KAZN: variants seen among roughly 807,000 people sequenced by gnomAD.
KAZN encodes kazrin, periplakin interacting protein.
A neutral mutation model predicts 87.4 loss-of-function variants in KAZN; 40 were observed. The ratio of observed to expected loss-of-function variants is 0.46; its 90% CI spans 0.36 to 0.60. KAZN has a LOEUF of 0.60. KAZN is among the 20% of genes least tolerant of loss of function. KAZN has a pLI of 0.00. For missense variants in KAZN, 898 were observed against 1,073.9 expected, an observed-to-expected ratio of 0.84 and a Z score of 2.29; for synonymous variants, 466 against 458.3, an observed-to-expected ratio of 1.02 and a Z score of -0.22.
rs189417317 is a variant in KAZN, at chr1:14,877,146, G to A, written c.227-83538G>A. On this transcript the variant is annotated intron_variant, in intron 1 of 14. Coordinates refer to ENST00000376030, the MANE Select transcript of KAZN (RefSeq NM_201628.3). The stretch of plus-strand genomic sequence containing the variant: ...TCCAGGAGCTCAAGGGGTGTTCCCC[G>A]CACTCTCTCGGACTCTCTTGGACTC... 1.5e-4 allele frequency among the ~76,000 whole-genome samples: 23 copies of A among 152,222 alleles called. No homozygotes were observed. The East Asian group carries it at 2.3e-3, about 15-fold the overall frequency.
intron 2 of KAZN, among the ~76,000 whole-genome samples, chr1:14,295,899 T>C (rs1209852547): frequency 6.6e-6 from 1 of 152,188 alleles, no homozygotes; most frequent in Non-Finnish European, 1.5e-5. Flanking sequence ...GTTCAACAGA[T>C]ACTCCATGCA....
At chr1:14,677,969 GC>G in intron 1 of KAZN, among the ~76,000 whole-genome samples, 1 of 152,280 alleles carries the variant, frequency 6.6e-6, no homozygotes, top group South Asian at 2.1e-4. Flanking sequence ...GGGGCCCTGA[GC>G]TGCTCCTCAT....
At chr1:14,356,143 C>G (rs892362892) in intron 2 of KAZN, among the ~76,000 whole-genome samples, 16 of 152,220 alleles carry the variant, frequency 1.1e-4, no homozygotes, top group Non-Finnish European at 2.4e-4. Flanking sequence ...GAGATGGTAT[C>G]TCACTGTGGT....
intron 1 of KAZN, among the ~76,000 whole-genome samples, chr1:13,977,717 G>GT (rs1638431482): frequency 6.6e-6 from 1 of 152,226 alleles, no homozygotes; most frequent in Non-Finnish European, 1.5e-5. Context: ...GGAGACAGAG[G>GT]TTAGAATTTG....
intron 1 of KAZN, among the ~76,000 whole-genome samples, chr1:14,959,910 G>A (rs1663641230): frequency 6.6e-6 from 1 of 152,176 alleles, no homozygotes; most frequent in African/African-American, 2.4e-5. Context: ...GCACCCCACA[G>A]CCTGAGGAGA....
intron 1 of KAZN, among the ~76,000 whole-genome samples, chr1:14,642,852 G>T (rs567989992): frequency 5.3e-5 from 8 of 152,200 alleles, no homozygotes; most frequent in Non-Finnish European, 7.4e-5. Flanking sequence ...AAAAAAAATG[G>T]CCTAAATGAA....
Position 14,118,818 on chromosome 1 carries a change from G to A in KAZN, c.92-61617G>A, listed in dbSNP as rs561280176. The stretch of plus-strand genomic sequence containing the variant: ...TGCAACACTAATTAGGGATAGAGCC[G>A]GGAATGTCTTACTGGAATTGGGTTG... On this transcript the variant is annotated intron_variant, in intron 1 of 16. Coordinates refer to the KAZN transcript ENST00000636203. Among the ~76,000 whole-genome samples the A allele has an allele frequency of 4.0e-3, 613 of 152,252 alleles. 4 individuals carry two copies. The highest frequency in any genetic ancestry group is 5.5e-3 in the Non-Finnish European group (377 of 68,016).
intron 2 of KAZN, among the ~76,000 whole-genome samples, chr1:14,546,501 A>G (rs555429895): frequency 6.6e-6 from 1 of 152,070 alleles, no homozygotes; most frequent in East Asian, 1.9e-4. Context: ...CCCCAGTTCT[A>G]AATTGTTTCC....
In KAZN at chr1:14,122,105, G is replaced by T. The variant is rs113905534; in HGVS notation, c.92-58330G>T. Among the ~76,000 whole-genome samples the T allele has an allele frequency of 3.6e-3, 549 of 152,292 alleles. 1 individual carries two copies. Among genetic ancestry groups the T allele is most frequent in the African/African-American group, 0.012 (499 of 41,566 alleles). On this transcript the variant is annotated intron_variant, in intron 1 of 16. Transcript: ENST00000636203. ...GCTGTGAAAGAGCCAGCTGTCAATT[G>T]GTGTAGACGGGAAGTGCTGCAACAG...
At chr1:14,570,932 T>G (rs1396791993) in intron 2 of KAZN, among the ~76,000 whole-genome samples, 1 of 152,188 alleles carries the variant, frequency 6.6e-6, no homozygotes, top group Non-Finnish European at 1.5e-5. Flanking sequence ...ACTCCTGACC[T>G]CTGAATCCTT....
chr1:14,811,082 C>T (rs1270802517), intron 1 of KAZN, among the ~76,000 whole-genome samples: 1 of 152,174 alleles, frequency 6.6e-6, no homozygotes, highest in Admixed American at 6.5e-5. Flanking sequence ...CCATTTCCCC[C>T]CTCAAAGCAA....
chr1:14,590,123 A>G (rs1676104988), intron 2 of KAZN, among the ~76,000 whole-genome samples: 1 of 152,292 alleles, frequency 6.6e-6, no homozygotes, highest in African/African-American at 2.4e-5. Flanking sequence ...GAAAGCATCA[A>G]AAACAACTTT....
intron 2 of KAZN, among the ~76,000 whole-genome samples, chr1:14,484,992 C>A (rs976706878): frequency 6.6e-6 from 1 of 152,180 alleles, no homozygotes; most frequent in Admixed American, 6.5e-5. Context: ...CCCCACACCA[C>A]CACATACAAT....
intron 2 of KAZN, among the ~76,000 whole-genome samples, chr1:14,968,044 T>C (rs576320115): frequency 1.3e-5 from 2 of 152,272 alleles, no homozygotes; most frequent in African/African-American, 4.8e-5. Context: ...ATGCACTACA[T>C]TTCTTGTGCA....
At chr1:15,087,731 T>G (rs796943779) in intron 8 of KAZN, among the ~76,000 whole-genome samples, 2 of 152,222 alleles carry the variant, frequency 1.3e-5, no homozygotes, top group South Asian at 4.1e-4. Flanking sequence ...ACATGTTCTG[T>G]AGGCACATGT....
At chr1:14,835,591 C>T (rs1282195616) in intron 1 of KAZN, among the ~76,000 whole-genome samples, 2 of 152,202 alleles carry the variant, frequency 1.3e-5, no homozygotes, top group Non-Finnish European at 2.9e-5. Context: ...AGTTAAATAA[C>T]TGGCCCCAAA....
At chr1:14,478,003 G>T (rs146225871) in intron 2 of KAZN, among the ~76,000 whole-genome samples, 2 of 152,152 alleles carry the variant, frequency 1.3e-5, no homozygotes, top group Non-Finnish European at 2.9e-5. Flanking sequence ...ACAGCTCACC[G>T]CTAGGTGAAA....
chr1:14,392,163 CCT>C lies in KAZN; in HGVS notation c.250-206819_250-206818del, dbSNP rs145427276. Among the ~76,000 whole-genome samples the C allele has an allele frequency of 3.0e-3, 457 of 152,280 alleles. 2 individuals carry two copies. Among genetic ancestry groups the C allele is most frequent in the African/African-American group, 1.0e-2 (414 of 41,542 alleles). On this transcript the variant is annotated intron_variant, in intron 2 of 16. Coordinates refer to the KAZN transcript ENST00000636203. ...AAACGCAGTTTAAGCCTCTTTATCC[CCT>C]GAGCCAATGGCTTCAAAGAGAGGCT...
chr1:14,345,886 T>C (rs1417968), intron 2 of KAZN, among the ~76,000 whole-genome samples: 147,009 of 152,262 alleles, frequency 0.97, 71,005 homozygotes, highest in South Asian at 0.98. Context: ...GGAAATAACA[T>C]GAGTGAAAAG....
Sources: allele counts gnomAD v4.1 joint callset (sites outside exome capture counted in the v4.1 genomes callset), GRCh38; gene constraint gnomAD v4.1.1; transcripts MANE v1.5; gene names NCBI Gene and HGNC (gene_info 2026-07-23, HGNC 2026-07-21).